The following SAMD12 variants were observed in gnomAD, a reference collection of about 807,000 sequenced individuals.
The protein encoded by SAMD12 is sterile alpha motif domain containing 12.
SAMD12 carries 9 observed loss-of-function variants against 15.0 expected under a neutral mutation model. That is an observed-to-expected ratio of 0.60 (90% CI 0.36 to 1.05). The LOEUF (loss-of-function observed/expected upper bound fraction) is 1.05. Among genes scored for constraint, SAMD12 ranks in the 50% least tolerant of loss-of-function variants. The pLI, the probability that SAMD12 is intolerant of heterozygous loss-of-function variation, is 0.01. For synonymous variants in SAMD12, 86 were observed against 90.1 expected (o/e 0.96, Z 0.25); for missense variants, 230 against 234.2 (o/e 0.98, Z 0.12).
At chr8:118,227,304 G>A (rs781257133) in intron 4 of SAMD12, among the ~76,000 whole-genome samples, 4 of 152,132 alleles carry the variant, frequency 2.6e-5, no homozygotes, top group Non-Finnish European at 4.4e-5. Context: ...TTATAAGTGT[G>A]AGCCAAATGA....
chr8:118,289,786 T>C (rs537550224), intron 4 of SAMD12, among the ~76,000 whole-genome samples: 1 of 152,366 alleles, frequency 6.6e-6, no homozygotes, highest in Admixed American at 6.5e-5. Flanking sequence ...GTTAGTGTGC[T>C]CTTAATTAAT....
intron 3 of SAMD12, among the ~76,000 whole-genome samples, chr8:118,419,721 T>C (rs192777246): frequency 6.6e-6 from 1 of 152,294 alleles, no homozygotes; most frequent in African/African-American, 2.4e-5. Flanking sequence ...TGTGAATGTA[T>C]TACTAAGTGG....
intron 4 of SAMD12, among the ~76,000 whole-genome samples, chr8:118,208,406 G>A (rs1434160973): frequency 6.6e-6 from 1 of 152,152 alleles, no homozygotes; most frequent in South Asian, 2.1e-4. Context: ...GCATCACCTG[G>A]GTATCTTGTT....
Position 118,621,802 on chromosome 8 carries a change from A to G in SAMD12, c.13+2T>C. 6.2e-7 allele frequency: 1 copy of G among 1,614,018 alleles called. No individual in the cohort carries two copies. Among genetic ancestry groups the G allele is most frequent in the Non-Finnish European group, 8.5e-7 (1 of 1,179,952 alleles). On this transcript the variant is annotated splice_donor_variant, in intron 1 of 3. Transcript: ENST00000314727. LOFTEE classifies it high-confidence loss of function. ...CTTAAAAATGCCCCAAGCGTCCCTT[A>G]CCTTCCACAGCCATTCTCTCAGAGC... is the stretch of plus-strand genomic sequence containing the variant.
chr8:118,519,277 C>G (rs1402507012), intron 2 of SAMD12, among the ~76,000 whole-genome samples: 2 of 152,202 alleles, frequency 1.3e-5, no homozygotes, highest in African/African-American at 4.8e-5. Context: ...CAGCTACATT[C>G]AACACATAAG....
At position 118,282,437 on chromosome 8, in the gene SAMD12, C is replaced by T. The variant is rs1231877799; in HGVS notation, c.434-84705G>A. The stretch of plus-strand genomic sequence containing the variant: ...CTTCTGCAGTCCAAAGGAAGGGTAA[C>T]TTCTGTGTAAACCCTACCTTCTGGT... On this transcript the variant is annotated intron_variant, in intron 4 of 4. Coordinates refer to the SAMD12 transcript ENST00000409003. 1.1e-5 allele frequency: 5 copies of T among 443,626 alleles called. No homozygotes were observed. The Admixed American group carries it at 1.3e-4, about 11-fold the overall frequency. The allele number at this position is 443,626 out of a possible 1,614,324, so 27.5% of individuals were successfully genotyped here.
At chr8:118,314,700 T>A (rs1423858290) in intron 4 of SAMD12, among the ~76,000 whole-genome samples, 3 of 152,202 alleles carry the variant, frequency 2.0e-5, no homozygotes, top group African/African-American at 7.2e-5. Flanking sequence ...TTGAGATTTT[T>A]CCAGTTTGTT....
intron 4 of SAMD12, among the ~76,000 whole-genome samples, chr8:118,246,012 T>TA (rs1454527929): frequency 1.6e-4 from 25 of 152,240 alleles, no homozygotes; most frequent in Admixed American, 1.4e-3. Context: ...GAAGCGTGGA[T>TA]ATAGAATGTG....
chr8:118,165,624 A>ATATATATACATATATATATATATATG, the SAMD12 span, among the ~76,000 whole-genome samples: 2 of 144,104 alleles, frequency 1.4e-5, no homozygotes, highest in African/African-American at 5.2e-5. Flanking sequence ...GTATATATAT[A>ATATATATACATATATATATATATATG]TATATATATA....
chr8:118,157,769 C>T, the SAMD12 span, among the ~76,000 whole-genome samples: 1 of 152,168 alleles, frequency 6.6e-6, no homozygotes, highest in African/African-American at 2.4e-5. Context: ...GCATGGAGGA[C>T]TTCCACTTAT....
chr8:118,360,073 T>G (rs1818413743), intron 4 of SAMD12, among the ~76,000 whole-genome samples: 1 of 152,178 alleles, frequency 6.6e-6, no homozygotes. Context: ...GAGATCACTT[T>G]TTGCTCCACC....
chr8:118,313,771 T>C (rs1258436404), intron 4 of SAMD12, among the ~76,000 whole-genome samples: 1 of 152,066 alleles, frequency 6.6e-6, no homozygotes, highest in Non-Finnish European at 1.5e-5. Context: ...ATATTTACCC[T>C]GGTTTCTATG....
rs143036526 is a variant in SAMD12, at chr8:118,541,901, G to A, written c.192+38814C>T. On this transcript the variant is annotated intron_variant, in intron 2 of 3. Transcript: ENST00000314727. ...GGAGTCTCGCTATGCTACCCAGGCT[G>A]GTCTTGAAATTCTGGCCTTAAGTGA... is the stretch of plus-strand genomic sequence containing the variant. Among the ~76,000 whole-genome samples the A allele has an allele frequency of 1.7e-3, 252 of 152,196 alleles. 1 individual carries two copies. Among genetic ancestry groups the A allele is most frequent in the African/African-American group, 4.7e-3 (197 of 41,514 alleles).
chr8:118,155,789 G>T, the SAMD12 span, among the ~76,000 whole-genome samples: 3 of 152,192 alleles, frequency 2.0e-5, no homozygotes, highest in East Asian at 5.8e-4. Context: ...AAAGGAAATG[G>T]TATGTGTCCA....
At chr8:118,367,594 C>G (rs986527672) in intron 4 of SAMD12, among the ~76,000 whole-genome samples, 3 of 152,174 alleles carry the variant, frequency 2.0e-5, no homozygotes. Flanking sequence ...TATTGTTTCA[C>G]CTAGTACATT....
At chr8:118,293,116 C>G (rs762143975) in intron 4 of SAMD12, among the ~76,000 whole-genome samples, 97 of 150,338 alleles carry the variant, frequency 6.5e-4, no homozygotes, top group Non-Finnish European at 9.2e-4. Context: ...TTTTTTTTTT[C>G]TTATGCTGTG....
chr8:118,573,128 A>G (rs1827063732), intron 2 of SAMD12, among the ~76,000 whole-genome samples: 1 of 152,144 alleles, frequency 6.6e-6, no homozygotes, highest in Admixed American at 6.5e-5. Flanking sequence ...ATTGTTGCCC[A>G]GTCTGGAGTG....
chr8:118,144,348 C>T, the SAMD12 span, among the ~76,000 whole-genome samples: 1 of 152,140 alleles, frequency 6.6e-6, no homozygotes, highest in Non-Finnish European at 1.5e-5. Flanking sequence ...TATTATTGCA[C>T]ATATTCATTA....
chr8:118,255,144 G>A (rs1586389944), intron 4 of SAMD12, among the ~76,000 whole-genome samples: 1 of 152,074 alleles, frequency 6.6e-6, no homozygotes. Flanking sequence ...GCAGACTACA[G>A]AAGGAGGGAA....
Sources: gnomAD v4.1 joint callset for allele counts (sites outside exome capture counted in the v4.1 genomes callset) on GRCh38, gnomAD v4.1.1 for gene constraint, MANE v1.5 for transcripts, NCBI Gene and HGNC (gene_info 2026-07-23, HGNC 2026-07-21) for gene names.